The following CHRNG variants were observed in gnomAD, a reference collection of about 807,000 sequenced individuals.
CHRNG encodes the protein cholinergic receptor nicotinic gamma subunit.
A neutral mutation model predicts 65.2 loss-of-function variants in CHRNG; 72 were observed. The ratio of observed to expected loss-of-function variants is 1.10; its 90% CI spans 0.91 to 1.34. The LOEUF (loss-of-function observed/expected upper bound fraction) is 1.34. Ranked by LOEUF, CHRNG falls within the 40% of genes most tolerant of loss-of-function variation. The pLI is 0.00. For missense variants in CHRNG, 637 were observed against 680.1 expected, an observed-to-expected ratio of 0.94 and a Z score of 0.70; for synonymous variants, 284 against 290.2, an observed-to-expected ratio of 0.98 and a Z score of 0.22.
Position 232,539,880 on chromosome 2 carries a change from G to C in CHRNG, c.55+78G>C, listed in dbSNP as rs12996322. 0.35 allele frequency: 555,069 copies of C among 1,608,468 alleles called. 99,231 individuals are homozygous for C. The highest frequency in any genetic ancestry group is 0.52 in the Admixed American group (31,116 of 59,930). On this transcript the variant is annotated intron_variant, in intron 1 of 11. Coordinates refer to ENST00000651502, the MANE Select transcript of CHRNG (RefSeq NM_005199.5). ...CCTCAGGGGATGGAGGGTCTGAGGGGTATTGGGGCCTGCCCTGGACCCAGT... is the reference window on the plus strand; with the variant it reads ...CCTCAGGGGATGGAGGGTCTGAGGGCTATTGGGGCCTGCCCTGGACCCAGT...
chr2:232,543,486 C>CCCA (rs1553578025), intron 8 of CHRNG, 97 bp downstream of exon 8: 10 of 1,182,618 alleles, frequency 8.5e-6, no homozygotes, highest in South Asian at 3.8e-5. Flanking sequence ...ATCCACCCCC[C>CCCA]CCATCCTCAA....
At position 232,541,335 on chromosome 2, in the gene CHRNG, G is replaced by A. The variant is rs1692010912; in HGVS notation, c.351-39G>A. 3 of 1,613,428 alleles carry A rather than the reference G, an allele frequency of 1.9e-6. No individual in the cohort carries two copies. Among genetic ancestry groups the A allele is most frequent in the Admixed American group, 1.7e-5 (1 of 60,004 alleles). On this transcript the variant is annotated intron_variant, in intron 4 of 11. Transcript: ENST00000651502. This position sits in a 1 kb window ranked among gnomAD's most constrained non-coding sequence, Gnocchi z 4.0. ...CTGGGGCTGGGGTGTCGGGGGCTGA[G>A]CCCACAGCCTCGTGGCCTGGCCTGT...
In CHRNG at chr2:232,542,467, AG is replaced by A. The variant is rs773842433; in HGVS notation, c.553del (p.Glu185LysfsTer125). The stretch of plus-strand genomic sequence containing the variant: ...AATGAGATTGATCTGCAGCTGAGTC[AG>A]GAAGATGGCCAGACCATCGAGTGGA... ...STNEIDLQLS[Q>X]EDGQTIEWIF... On this transcript the variant is annotated frameshift_variant, in exon 6 of 12. Transcript: ENST00000651502. LOFTEE classifies it high-confidence loss of function. The A allele has an allele frequency of 6.2e-7, 1 of 1,614,040 alleles. No homozygotes were observed. Among genetic ancestry groups the A allele is most frequent in the Non-Finnish European group, 8.5e-7 (1 of 1,179,962 alleles).
Position 232,540,795 on chromosome 2 carries a change from G to A in CHRNG, c.350+84G>A. 1 of 1,268,296 alleles carries A rather than the reference G, an allele frequency of 7.9e-7. No individual in the cohort carries two copies. Among genetic ancestry groups the A allele is most frequent in the Non-Finnish European group, 1.1e-6 (1 of 897,886 alleles). 78.6% of individuals were successfully genotyped at this position (1,268,296 alleles called of 1,614,324 possible). On this transcript the variant is annotated intron_variant, in intron 4 of 11. Transcript: ENST00000651502. The surrounding 1 kb of genome is among the most constrained non-coding windows in gnomAD (Gnocchi z 4.2). ...CAGAACAAGGCACTCTGGGAAAAGA[G>A]AAAGATGAGCAGAGGGTGCAAATCG...
rs183173250 is a variant in CHRNG at position 232,541,195 on chromosome 2, G to A, written c.351-179G>A. On this transcript the variant is annotated intron_variant, in intron 4 of 11. Transcript: ENST00000651502. The surrounding 1 kb of genome is among the most constrained non-coding windows in gnomAD (Gnocchi z 4.0). ...AGGAAGTCTGTCTGGGGCGGGGGGT[G>A]GCAGGAGGATTGCTGGGGGGACCTA... is the stretch of plus-strand genomic sequence containing the variant. Among the ~76,000 whole-genome samples the A allele has an allele frequency of 8.6e-4, 131 of 151,724 alleles. 1 individual carries two copies. Among genetic ancestry groups the A allele is most frequent in the African/African-American group, 3.0e-3 (125 of 41,322 alleles).
Position 232,547,470 on chromosome 2 carries a change from A to C in CHRNG, c.*1754A>C, listed in dbSNP as rs755043688. On this transcript the variant is annotated 3_prime_UTR_variant, in exon 12 of 12. Transcript: ENST00000651502. ...AAAAAGAAAAGTGAAAGTGCCACAT[A>C]AAGGCCTGACGACAGGATATGCTGG... Among the ~76,000 whole-genome samples the C allele has an allele frequency of 3.3e-5, 5 of 152,218 alleles. No homozygotes were observed. The highest frequency in any genetic ancestry group is 7.3e-5 in the Non-Finnish European group (5 of 68,032).
chr2:232,542,772 G>C, intron 6 of CHRNG, 110 bp from the exon 7 acceptor site: 1 of 965,418 alleles, frequency 1.0e-6, no homozygotes. Flanking sequence ...TGCCTCCCCT[G>C]CTGGTGCTCC....
rs16829216 is a variant in CHRNG at position 232,545,583 on chromosome 2, G to A, written c.1421G>A (p.Arg474His). The change falls in exon 12 of 12, where the codon CGC (arginine) becomes CAC (histidine). Residue 474 changes from arginine (R) to histidine (H), a missense_variant. Coordinates refer to ENST00000651502, the MANE Select transcript of CHRNG (RefSeq NM_005199.5). ...EWFLVGRVLD[R>H]VCFLAMLSLF... is the part of the protein sequence containing the mutation. ...TTCCTGGTGGGCCGAGTGCTGGACC[G>A]CGTCTGCTTCCTGGCCATGCTCTCG... 7.6e-5 allele frequency: 122 copies of A among 1,613,906 alleles called. No homozygotes were observed. Among genetic ancestry groups the A allele is most frequent in the Middle Eastern group, 6.6e-4 (4 of 6,084 alleles).
intron 9 of CHRNG, 86 bp from the exon 10 acceptor site, chr2:232,544,281 C>A: frequency 1.0e-6 from 1 of 1,004,726 alleles, no homozygotes; most frequent in Non-Finnish European, 1.6e-6. Context: ...CTCCATGGTC[C>A]CTAGCAGCAC....
chr2:232,547,794 G>A lies in CHRNG; in HGVS notation c.*2078G>A, dbSNP rs769559150. Among the ~76,000 whole-genome samples the A allele has an allele frequency of 9.9e-5, 15 of 152,192 alleles. No homozygotes were observed. The highest frequency in any genetic ancestry group is 2.1e-4 in the Non-Finnish European group (14 of 68,048). ...CTCAACCTCTCTGAAAGCCTCAGAG[G>A]GCAGAGGATTAGCTCCTTGTACACA... On this transcript the variant is annotated 3_prime_UTR_variant, in exon 12 of 12. Coordinates refer to ENST00000651502, the MANE Select transcript of CHRNG (RefSeq NM_005199.5).
In CHRNG at chr2:232,544,393, G is replaced by C. The variant is rs1452610514; in HGVS notation, c.1062G>C (p.Leu354=). 1.9e-6 allele frequency: 3 copies of C among 1,613,424 alleles called. No individual in the cohort carries two copies. The highest frequency in any genetic ancestry group is 2.2e-5 in the South Asian group (2 of 91,082). ...RKVFLRLLPQ[L]LRMHVRPLAP... Reference sequence around the variant, plus strand: ...TGTTCCTGAGGCTCTTGCCCCAGCTGCTGAGGATGCACGTTCGCCCGCTGG... The same window carrying C: ...TGTTCCTGAGGCTCTTGCCCCAGCTCCTGAGGATGCACGTTCGCCCGCTGG... Residue 354 remains leucine, a synonymous_variant, in exon 10 of 12, where the codon CTG becomes CTC. Transcript: ENST00000651502.
Position 232,543,121 on chromosome 2 carries a change from AG to A in CHRNG, c.805+43del, listed in dbSNP as rs748417616. On this transcript the variant is annotated intron_variant, in intron 7 of 11. Transcript: ENST00000651502. The stretch of plus-strand genomic sequence containing the variant: ...ATGGGAAGGAGCCATCCAGTAGCAC[AG>A]GGGACACCTGGGAGGCCGGGGTGGG... 1.9e-6 allele frequency: 3 copies of A among 1,600,572 alleles called. No individual in the cohort carries two copies. In the South Asian group the frequency reaches 3.3e-5, roughly 18 times the overall value.
intron 8 of CHRNG, 95 bp downstream of exon 8, chr2:232,543,484 C>CCCG (rs1692060537): frequency 3.4e-6 from 4 of 1,178,098 alleles, no homozygotes; most frequent in South Asian, 1.3e-5. Context: ...CCATCCACCC[C>CCCG]CCCCATCCTC....
rs145433186 is a variant in CHRNG, at chr2:232,544,446, C to T, written c.1115C>T (p.Ser372Phe). Residue 372 changes from serine (S) to phenylalanine (F), a missense_variant, in exon 10 of 12, where the codon TCC (serine) becomes TTC (phenylalanine). Ser to Phe is a radical substitution (Grantham distance 155). Coordinates refer to ENST00000651502, the MANE Select transcript of CHRNG (RefSeq NM_005199.5). ...CCGGCAGCTGTGCAGGACACCCAGTCCCGGCTACAGAATGGCTCCTCGGGA... is the reference window on the plus strand; with the variant it reads ...CCGGCAGCTGTGCAGGACACCCAGTTCCGGCTACAGAATGGCTCCTCGGGA... ...LAPAAVQDTQ[S>F]RLQNGSSGWS... The T allele has an allele frequency of 2.6e-3, 4,145 of 1,613,742 alleles. 14 individuals are homozygous for T. The highest frequency in any genetic ancestry group is 3.2e-3 in the Non-Finnish European group (3,828 of 1,180,022).
chr2:232,543,988 G>A (rs1457174889), intron 9 of CHRNG, among the ~76,000 whole-genome samples: 1 of 152,238 alleles, frequency 6.6e-6, no homozygotes, highest in Non-Finnish European at 1.5e-5. Flanking sequence ...CCAAGGAAGT[G>A]CACTACAAAG....
intron 10 of CHRNG, 37 bp downstream of exon 10, chr2:232,544,617 C>T (rs1187823552): frequency 6.3e-7 from 1 of 1,591,156 alleles, no homozygotes; most frequent in Non-Finnish European, 8.6e-7. Flanking sequence ...ACAGTCCTCC[C>T]CTGGGACCCC....
intron 11 of CHRNG, 58 bp from the exon 12 acceptor site, chr2:232,545,485 G>C (rs930071156): frequency 1.3e-6 from 2 of 1,482,922 alleles, no homozygotes; most frequent in Non-Finnish European, 1.9e-6. Context: ...ATGAGAACAG[G>C]ACCCAGGGAA....
At position 232,541,257 on chromosome 2, in the gene CHRNG, T is replaced by C; in HGVS notation, c.351-117T>C. 2 of 1,281,564 alleles carry C rather than the reference T, an allele frequency of 1.6e-6. No homozygotes were observed. Among genetic ancestry groups the C allele is most frequent in the Non-Finnish European group, 2.2e-6 (2 of 893,646 alleles). The allele number at this position is 1,281,564 out of a possible 1,614,324, so 79.4% of individuals were successfully genotyped here. A position where few individuals can be genotyped will look rare whatever the true frequency, so the allele number is the denominator to read the frequency against. ...GGGAACCAGTCAGGGGGTGACAGGCTGGTAGGGACTGGTGTCCCCAGGCCC... is the reference window on the plus strand; with the variant it reads ...GGGAACCAGTCAGGGGGTGACAGGCCGGTAGGGACTGGTGTCCCCAGGCCC... On this transcript the variant is annotated intron_variant, in intron 4 of 11. Transcript: ENST00000651502. This position sits in a 1 kb window ranked among gnomAD's most constrained non-coding sequence, Gnocchi z 4.0.
intron 5 of CHRNG, chr2:232,542,030 GA>G (rs1233980205): frequency 1.2e-5 from 4 of 333,536 alleles, no homozygotes; most frequent in African/African-American, 8.4e-5. Context: ...TACCTTAGAG[GA>G]GCAGTCTTTC....
Sources: allele counts gnomAD v4.1 joint callset (sites outside exome capture counted in the v4.1 genomes callset), GRCh38; gene constraint gnomAD v4.1.1; non-coding constraint Gnocchi (gnomAD v3.1); transcripts MANE v1.5; gene names NCBI Gene and HGNC (gene_info 2026-07-23, HGNC 2026-07-21).